Variants in SENP2 observed in about 807,000 individuals in gnomAD.
The protein encoded by SENP2 is SUMO specific peptidase 2.
In SENP2, 16 loss-of-function variants were observed where a neutral mutation model predicts 86.3. That is an observed-to-expected ratio of 0.19 (90% CI 0.13 to 0.28). SENP2 has a LOEUF of 0.28. SENP2 is among the 10% of genes least tolerant of loss of function. SENP2 has a pLI of 1.00. For synonymous variants in SENP2, 222 were observed against 238.7 expected (o/e 0.93, Z 0.64); for missense variants, 552 against 703.0 (o/e 0.79, Z 2.43).
rs1712346087 is a variant in SENP2 at position 185,630,093 on chromosome 3, G to A, written c.*249G>A. 7.8e-6 allele frequency: 3 copies of A among 383,984 alleles called. No individual in the cohort carries two copies. The highest frequency in any genetic ancestry group is 2.0e-5 in the African/African-American group (1 of 50,766). The allele number at this position is 383,984 out of a possible 1,614,324, so 23.8% of individuals were successfully genotyped here. A position where few individuals can be genotyped will look rare whatever the true frequency, so the allele number is the denominator to read the frequency against. ...CTGTTCAACCCACACAAGAACAAAC[G>A]CTAACTAATATTTTTTTTAAGAGAT... On this transcript the variant is annotated 3_prime_UTR_variant, in exon 17 of 17. Transcript: ENST00000296257.
Position 185,590,069 on chromosome 3 carries a change from G to T in SENP2, c.102-45G>T, listed in dbSNP as rs755599989. On this transcript the variant is annotated intron_variant, in intron 1 of 16. Coordinates refer to ENST00000296257, the MANE Select transcript of SENP2 (RefSeq NM_021627.3). ...TAAGTTTACTTACAGAAATGAATGTGTGTGTAAATCTATATATATATATTT... is the reference window on the plus strand; with the variant it reads ...TAAGTTTACTTACAGAAATGAATGTTTGTGTAAATCTATATATATATATTT... 56 of 1,048,130 alleles carry T rather than the reference G, an allele frequency of 5.3e-5. No individual in the cohort carries two copies. The South Asian group carries it at 8.7e-4, about 16-fold the overall frequency. The allele number at this position is 1,048,130 out of a possible 1,614,324, so 64.9% of individuals were successfully genotyped here.
chr3:185,588,013 A>G (rs1721852288), intron 1 of SENP2, among the ~76,000 whole-genome samples: 1 of 144,784 alleles, frequency 6.9e-6, no homozygotes, highest in Non-Finnish European at 1.5e-5. Flanking sequence ...TGCTGGGATT[A>G]CAGGCCTGAG....
intron 2 of SENP2, among the ~76,000 whole-genome samples, chr3:185,596,747 G>A (rs958656794): frequency 6.6e-6 from 1 of 152,154 alleles, no homozygotes; most frequent in African/African-American, 2.4e-5. Context: ...ACAAGCTAGT[G>A]AGACTATGAC....
intron 2 of SENP2, among the ~76,000 whole-genome samples, chr3:185,591,322 T>TC (rs1721989126): frequency 6.6e-6 from 1 of 152,014 alleles, no homozygotes; most frequent in African/African-American, 2.4e-5. Flanking sequence ...ATTTTAAAAT[T>TC]CTAAATCATT....
At chr3:185,614,462 T>C in intron 10 of SENP2, 102 bp from the exon 11 acceptor site, 1 of 1,143,210 alleles carries the variant, frequency 8.7e-7, no homozygotes, top group Non-Finnish European at 1.2e-6. Flanking sequence ...GCTAATTCTC[T>C]TTTCTTTCAC....
chr3:185,615,860 T>TTTTA (rs202182503), intron 11 of SENP2, among the ~76,000 whole-genome samples: 2,922 of 151,906 alleles, frequency 0.019, 104 homozygotes, highest in African/African-American at 0.067. Flanking sequence ...TATTTTGATG[T>TTTTA]TTTATTTATT....
rs146445729 is a variant in SENP2, at chr3:185,618,174, C to G, written c.1242+563C>G. ...GGTCAGGTTGGTCTCAAACTCTGGA[C>G]CTCAGGTGATCCGCCCGCCTTGGCC... On this transcript the variant is annotated intron_variant, in intron 12 of 16. Coordinates refer to ENST00000296257, the MANE Select transcript of SENP2 (RefSeq NM_021627.3). Among the ~76,000 whole-genome samples, 606 of 152,284 alleles carry G rather than the reference C, an allele frequency of 4.0e-3. 7 individuals carry two copies. Among genetic ancestry groups the G allele is most frequent in the African/African-American group, 0.014 (567 of 41,542 alleles).
At chr3:185,605,688 A>G (rs1018222775) in intron 5 of SENP2, among the ~76,000 whole-genome samples, 1 of 149,694 alleles carries the variant, frequency 6.7e-6, no homozygotes, top group Non-Finnish European at 1.5e-5. Context: ...GAAACACCAC[A>G]TAAGTGATAT....
chr3:185,600,268 T>G (rs1657900801), intron 4 of SENP2, among the ~76,000 whole-genome samples: 1 of 152,166 alleles, frequency 6.6e-6, no homozygotes, highest in African/African-American at 2.4e-5. Flanking sequence ...TCTGTGAGTT[T>G]TGTGTAGTCT....
At chr3:185,604,606 A>G (rs959208745) in intron 5 of SENP2, among the ~76,000 whole-genome samples, 2 of 152,130 alleles carry the variant, frequency 1.3e-5, no homozygotes, top group African/African-American at 2.4e-5. Flanking sequence ...TTGAAGCTCT[A>G]TTAGGCAAAT....
At chr3:185,629,113 GTTT>G (rs1173027153) in intron 16 of SENP2, among the ~76,000 whole-genome samples, 3 of 152,032 alleles carry the variant, frequency 2.0e-5, no homozygotes, top group Admixed American at 1.3e-4. Context: ...AAATAAATAC[GTTT>G]TTCTCATAAA....
intron 11 of SENP2, among the ~76,000 whole-genome samples, chr3:185,615,352 C>CT (rs1336647270): frequency 2.0e-5 from 3 of 151,794 alleles, no homozygotes; most frequent in South Asian, 2.1e-4. Flanking sequence ...AAAATAATTT[C>CT]TTTTTTTTGA....
Position 185,606,445 on chromosome 3 carries a change from A to G in SENP2, c.565A>G (p.Ile189Val), listed in dbSNP as rs1164536326. 6.2e-7 allele frequency: 1 copy of G among 1,613,800 alleles called. No individual in the cohort carries two copies. Among genetic ancestry groups the G allele is most frequent in the African/African-American group, 1.3e-5 (1 of 74,866 alleles). ...TCAGGAACAGGCTGTAACAGAGATG[A>G]TTTCTGAAGAGAGTGGCAAGGGTCT... ...KPQEQAVTEM[I>V]SEESGKGLRR... Residue 189 changes from isoleucine to valine, a missense_variant, in exon 6 of 17, where the codon ATT becomes GTT. Around this residue, in one of 2 missense-constraint regions of SENP2, gnomAD observed 383 missense variants for 427.3 expected, o/e 0.90. Coordinates refer to ENST00000296257, the MANE Select transcript of SENP2 (RefSeq NM_021627.3).
chr3:185,630,531 T>C lies in SENP2; in HGVS notation c.*687T>C, dbSNP rs1712412796. The C allele has an allele frequency of 6.5e-6, 1 of 153,016 alleles. No individual in the cohort carries two copies. The highest frequency in any genetic ancestry group is 2.1e-4 in the South Asian group (1 of 4,854). 9.5% of individuals were successfully genotyped at this position (153,016 alleles called of 1,614,324 possible). A position where few individuals can be genotyped will look rare whatever the true frequency, so the allele number is the denominator to read the frequency against. On this transcript the variant is annotated 3_prime_UTR_variant, in exon 17 of 17. Coordinates refer to ENST00000296257, the MANE Select transcript of SENP2 (RefSeq NM_021627.3). ...ACACTACAGCGTTGGCACAGTGCCGTGAACAGTGGAACTGTGCCCAAGGGA... is the reference window on the plus strand; with the variant it reads ...ACACTACAGCGTTGGCACAGTGCCGCGAACAGTGGAACTGTGCCCAAGGGA...
intron 4 of SENP2, among the ~76,000 whole-genome samples, chr3:185,599,438 T>G (rs1722274272): frequency 6.6e-6 from 1 of 152,154 alleles, no homozygotes; most frequent in Non-Finnish European, 1.5e-5. Context: ...CACAGTTTTA[T>G]GGACTAGGGA....
chr3:185,615,532 C>A (rs762756790), intron 11 of SENP2, among the ~76,000 whole-genome samples: 5 of 151,584 alleles, frequency 3.3e-5, no homozygotes, highest in Non-Finnish European at 5.9e-5. Flanking sequence ...TTAGTAGAGA[C>A]CGGGTTTCAC....
intron 2 of SENP2, among the ~76,000 whole-genome samples, chr3:185,596,161 G>A (rs1443756554): frequency 6.6e-6 from 1 of 151,752 alleles, no homozygotes; most frequent in Non-Finnish European, 1.5e-5. Flanking sequence ...AGACGGTTTC[G>A]CCATGATGGT....
chr3:185,621,630 C>T (rs575088252), intron 13 of SENP2, among the ~76,000 whole-genome samples, 196 bp from the exon 14 acceptor site: 9 of 151,946 alleles, frequency 5.9e-5, no homozygotes, highest in South Asian at 4.2e-4. Context: ...CCTCATGATC[C>T]GCCCGCCTCA....
Position 185,624,022 on chromosome 3 carries a change from G to A in SENP2, c.1551G>A (p.Lys517=). The A allele has an allele frequency of 6.2e-7, 1 of 1,611,726 alleles. No homozygotes were observed. Among genetic ancestry groups the A allele is most frequent in the South Asian group, 1.1e-5 (1 of 90,748 alleles). Residue 517 remains lysine (K), a synonymous_variant, in exon 15 of 17, where the codon AAG becomes AAA. Transcript: ENST00000296257. ...GTCAGTATTTACAGGATGAAAGTAA[G>A]ACCAAAAGAAATAGTGATCTGAATC... The part of the protein sequence containing the change: ...ILLQYLQDES[K]TKRNSDLNLL...
Sources: gnomAD v4.1 joint callset for allele counts (sites outside exome capture counted in the v4.1 genomes callset) on GRCh38, gnomAD v4.1.1 for gene constraint, gnomAD v4.1.1 regional missense constraint, MANE v1.5 for transcripts, NCBI Gene and HGNC (gene_info 2026-07-23, HGNC 2026-07-21) for gene names.